CUEDC1: variants seen among roughly 807,000 people sequenced by gnomAD.
The protein encoded by CUEDC1 is CUE domain-containing protein 1.
In CUEDC1, 30 loss-of-function variants were observed where a neutral mutation model predicts 43.7. The observed-to-expected ratio is 0.69, with a 90% CI of 0.51 to 0.93. The LOEUF (loss-of-function observed/expected upper bound fraction) is 0.93. Among genes scored for constraint, CUEDC1 ranks in the 40% least tolerant of loss-of-function variants. CUEDC1 has a pLI of 0.00. For synonymous variants in CUEDC1, 223 were observed against 223.6 expected (o/e 1.00, Z 0.02); for missense variants, 486 against 549.0 (o/e 0.89, Z 1.15).
Position 57,893,744 on chromosome 17 carries a change from C to T in CUEDC1, c.-315-7865G>A, listed in dbSNP as rs372072249. On this transcript the variant is annotated intron_variant, in intron 1 of 10. Coordinates refer to ENST00000577830, the MANE Select transcript of CUEDC1 (RefSeq NM_001271875.2). ...GGGAGAGACAGACAATGCTGTCATG[C>T]GCTGCTGTGTGACCTTGGGTACTTC... Among the ~76,000 whole-genome samples, 111 of 152,314 alleles carry T rather than the reference C, an allele frequency of 7.3e-4. No individual in the cohort carries two copies. In the South Asian group the frequency reaches 0.011, roughly 15 times the overall value.
Position 57,953,446 on chromosome 17 carries a change from C to T in CUEDC1, c.-316+1779G>A, listed in dbSNP as rs951742198. Among the ~76,000 whole-genome samples, 5 of 152,282 alleles carry T rather than the reference C, an allele frequency of 3.3e-5. No homozygotes were observed. The South Asian group carries it at 8.3e-4, about 25-fold the overall frequency. On this transcript the variant is annotated intron_variant, in intron 1 of 10. Transcript: ENST00000577830. ...GCATAGGGAGGTCATGAGAAAAGAC[C>T]TTAGAAGCAGTCTGCTCTTTGAACC...
chr17:57,866,714 G>C, intron 9 of CUEDC1, 170 bp from the exon 10 acceptor site: 1 of 616,058 alleles, frequency 1.6e-6, no homozygotes, highest in Non-Finnish European at 2.8e-6. Flanking sequence ...GAGGCAGCAG[G>C]ACACTCAGGT....
At chr17:57,909,513 T>A (rs144572950) in intron 1 of CUEDC1, among the ~76,000 whole-genome samples, 122 of 152,330 alleles carry the variant, frequency 8.0e-4, no homozygotes, top group African/African-American at 2.9e-3. Context: ...CCACATCTCC[T>A]GGGCAAACAG....
In CUEDC1 at chr17:57,895,951, C is replaced by A. The variant is rs191891563; in HGVS notation, c.-315-10072G>T. Among the ~76,000 whole-genome samples, 783 of 152,334 alleles carry A rather than the reference C, an allele frequency of 5.1e-3. 6 individuals carry two copies. Among genetic ancestry groups the A allele is most frequent in the African/African-American group, 0.016 (658 of 41,570 alleles). On this transcript the variant is annotated intron_variant, in intron 1 of 10. Transcript: ENST00000577830. Reference sequence around the variant, plus strand: ...TAGGCAGTCAGGCTGAAGGCCCCCCCAGTAGGCTGAGTTCTGAGGTCTGGA... The same window carrying A: ...TAGGCAGTCAGGCTGAAGGCCCCCCAAGTAGGCTGAGTTCTGAGGTCTGGA...
intron 1 of CUEDC1, among the ~76,000 whole-genome samples, chr17:57,931,662 C>T (rs1489359509): frequency 6.6e-6 from 1 of 152,090 alleles, no homozygotes; most frequent in Non-Finnish European, 1.5e-5. Flanking sequence ...TGACAGATCT[C>T]CTTCTCTTTA....
rs1410678497 is a variant in CUEDC1, at chr17:57,954,625, C to G, written c.-316+600G>C. On this transcript the variant is annotated intron_variant, in intron 1 of 10. Transcript: ENST00000577830. The surrounding 1 kb of genome is among the most constrained non-coding windows in gnomAD (Gnocchi z 4.3). ...CAGCGCATTCCCAACTTTCCCTGGC[C>G]GAGCTGACGGGAGATACAGCTCCCA... Among the ~76,000 whole-genome samples, 1 of 151,950 alleles carries G rather than the reference C, an allele frequency of 6.6e-6. No homozygotes were observed. The highest frequency in any genetic ancestry group is 1.5e-5 in the Non-Finnish European group (1 of 67,986).
At position 57,932,426 on chromosome 17, in the gene CUEDC1, A is replaced by C. The variant is rs1003771309; in HGVS notation, c.-316+22799T>G. On this transcript the variant is annotated intron_variant, in intron 1 of 10. Transcript: ENST00000577830. ...TGGTGAAACCCCATCTCCACTAAAAATACAAAAAAATTAGCCGGGCATGGC... is the reference window on the plus strand; with the variant it reads ...TGGTGAAACCCCATCTCCACTAAAACTACAAAAAAATTAGCCGGGCATGGC... 4.0e-5 allele frequency among the ~76,000 whole-genome samples: 6 copies of C among 151,744 alleles called. No homozygotes were observed. The South Asian group carries it at 8.3e-4, about 21-fold the overall frequency.
intron 1 of CUEDC1, among the ~76,000 whole-genome samples, chr17:57,895,105 C>CA (rs1453084961): frequency 2.0e-5 from 3 of 152,224 alleles, no homozygotes; most frequent in African/African-American, 7.2e-5. Flanking sequence ...TGCCTTATTG[C>CA]ATGTTAACTC....
intron 1 of CUEDC1, among the ~76,000 whole-genome samples, chr17:57,921,774 C>T (rs2074700589): frequency 1.3e-5 from 2 of 152,106 alleles, no homozygotes; most frequent in African/African-American, 2.4e-5. Flanking sequence ...GTCTGTGGTT[C>T]GGCTCAATTC....
intron 7 of CUEDC1, 89 bp from the exon 8 acceptor site, chr17:57,868,332 C>A (rs989605895): frequency 1.7e-6 from 2 of 1,159,968 alleles, no homozygotes; most frequent in African/African-American, 1.5e-5. Flanking sequence ...CAGGGGAGGA[C>A]CAAGGCCCCC....
intron 1 of CUEDC1, among the ~76,000 whole-genome samples, chr17:57,887,556 A>G (rs1265275196): frequency 1.5e-5 from 2 of 137,842 alleles, no homozygotes; most frequent in Admixed American, 1.5e-4. Context: ...CAGTGCTGTG[A>G]TCTTGGTTCA....
chr17:57,933,884 G>A (rs1486352391), intron 1 of CUEDC1, among the ~76,000 whole-genome samples: 1 of 152,130 alleles, frequency 6.6e-6, no homozygotes, highest in Non-Finnish European at 1.5e-5. Flanking sequence ...AGGAGCATCT[G>A]GGGACCTGGC....
chr17:57,915,413 T>G (rs957492734), intron 1 of CUEDC1, among the ~76,000 whole-genome samples: 1 of 151,764 alleles, frequency 6.6e-6, no homozygotes, highest in Non-Finnish European at 1.5e-5. Context: ...AAATCTAAAG[T>G]CAAACACATC....
intron 9 of CUEDC1, 128 bp from the exon 10 acceptor site, chr17:57,866,672 C>A (rs2073964186): frequency 3.5e-6 from 3 of 852,556 alleles, no homozygotes; most frequent in African/African-American, 3.3e-5. Flanking sequence ...ATGCAGATCC[C>A]CCCAGGTAGA....
chr17:57,912,572 G>A (rs1443841847), intron 1 of CUEDC1: 4 of 151,960 alleles, frequency 2.6e-5, no homozygotes, highest in African/African-American at 9.7e-5. Flanking sequence ...TTACTTGTTT[G>A]TGCCTCAGTT....
intron 6 of CUEDC1, among the ~76,000 whole-genome samples, chr17:57,869,484 G>A (rs985116828): frequency 6.6e-6 from 1 of 152,192 alleles, no homozygotes; most frequent in Non-Finnish European, 1.5e-5. Flanking sequence ...CATGTTTCAT[G>A]ACATCACCTT....
rs142212357 is a variant in CUEDC1 at position 57,897,605 on chromosome 17, G to A, written c.-315-11726C>T. On this transcript the variant is annotated intron_variant, in intron 1 of 10. Transcript: ENST00000577830. ...GAATGGTGTGAACCCAGGAGGCGGAGCTTGCAGTGAGCCAAGACCGTGCCA... is the reference window on the plus strand; with the variant it reads ...GAATGGTGTGAACCCAGGAGGCGGAACTTGCAGTGAGCCAAGACCGTGCCA... Among the ~76,000 whole-genome samples the A allele has an allele frequency of 3.4e-4, 52 of 150,790 alleles. 1 individual carries two copies. In the East Asian group the frequency reaches 9.8e-3, roughly 29 times the overall value.
At chr17:57,894,912 C>T (rs2074393152) in intron 1 of CUEDC1, among the ~76,000 whole-genome samples, 1 of 152,104 alleles carries the variant, frequency 6.6e-6, no homozygotes, top group Admixed American at 6.6e-5. Flanking sequence ...GTGTGGCTGC[C>T]ACAAAAGGCA....
intron 1 of CUEDC1, among the ~76,000 whole-genome samples, chr17:57,897,471 C>T (rs2074423714): frequency 6.6e-6 from 1 of 151,744 alleles, no homozygotes; most frequent in African/African-American, 2.4e-5. Context: ...GAGATTCAGA[C>T]CATTCTGGCT....
Sources: allele counts gnomAD v4.1 joint callset (sites outside exome capture counted in the v4.1 genomes callset), GRCh38; gene constraint gnomAD v4.1.1; non-coding constraint Gnocchi (gnomAD v3.1); transcripts MANE v1.5; gene names NCBI Gene and HGNC (gene_info 2026-07-23, HGNC 2026-07-21).